The following RPL34 variants were observed in gnomAD, a reference collection of about 807,000 sequenced individuals.
RPL34 encodes large ribosomal subunit protein eL34.
A neutral mutation model predicts 16.3 loss-of-function variants in RPL34; 2 were observed. The ratio of observed to expected loss-of-function variants is 0.12; its 90% CI spans 0.05 to 0.39. The LOEUF (loss-of-function observed/expected upper bound fraction) is 0.39. Among genes scored for constraint, RPL34 ranks in the 10% least tolerant of loss-of-function variants. RPL34 has a pLI of 0.99. For missense variants in RPL34, 82 were observed against 148.8 expected, an observed-to-expected ratio of 0.55 and a Z score of 2.33; for synonymous variants, 47 against 48.5, an observed-to-expected ratio of 0.97 and a Z score of 0.13.
At chr4:108,628,122 A>G (rs1013183860), downstream of RPL34, among the ~76,000 whole-genome samples, 1 of 152,248 alleles carries the variant, frequency 6.6e-6, no homozygotes, top group Non-Finnish European at 1.5e-5. Context: ...CCTGTTGTCA[A>G]CATTCATAGT....
chr4:108,626,368 A>G (rs984265480), downstream of RPL34, among the ~76,000 whole-genome samples: 4 of 151,448 alleles, frequency 2.6e-5, no homozygotes, highest in African/African-American at 4.9e-5. Flanking sequence ...GGGCTCAAGC[A>G]GTCTGCCTGC....
intron 1 of RPL34, 161 bp from the exon 2 acceptor site, chr4:108,621,790 T>G (rs1461107422): frequency 1.7e-6 from 1 of 590,274 alleles, no homozygotes; most frequent in Admixed American, 2.9e-5. Context: ...ATCAGTCACC[T>G]TTAAATACAA....
At chr4:108,624,389 A>G (rs1725909321) in intron 4 of RPL34, among the ~76,000 whole-genome samples, 2 of 152,008 alleles carry the variant, frequency 1.3e-5, no homozygotes, top group South Asian at 4.2e-4. Context: ...GGGGTGGGGG[A>G]AGGTTTAAGT....
rs1324319836 is a variant in RPL34 at position 108,622,573 on chromosome 4, G to A, written c.224G>A (p.Ser75Asn). The change falls in exon 4 of 5, where the codon AGC becomes AAC. Residue 75 changes from serine (S) to asparagine (N), a missense_variant. Ser to Asn is a conservative substitution (Grantham distance 46). Transcript: ENST00000394667. Reference protein sequence around the residue: ...MRLSKTKKHVSRAYGGSMCAK... With the variant: ...MRLSKTKKHVNRAYGGSMCAK... The stretch of plus-strand genomic sequence containing the variant: ...TTGTCCAAAACAAAGAAACATGTCA[G>A]CAGGGCCTATGGTGGTTCCATGTGT... The A allele has an allele frequency of 6.2e-7, 1 of 1,610,260 alleles. No individual in the cohort carries two copies. The highest frequency in any genetic ancestry group is 8.5e-7 in the Non-Finnish European group (1 of 1,178,896).
chr4:108,624,555 A>G (rs1725920275), intron 4 of RPL34, among the ~76,000 whole-genome samples: 1 of 152,190 alleles, frequency 6.6e-6, no homozygotes, highest in Non-Finnish European at 1.5e-5. Context: ...AATCTTTCCA[A>G]ATTTAATCCT....
chr4:108,627,210 G>A (rs139201898), downstream of RPL34, among the ~76,000 whole-genome samples: 53 of 151,996 alleles, frequency 3.5e-4, no homozygotes, highest in East Asian at 1.4e-3. Context: ...CTGTACTCTC[G>A]CCTGTGCGAC....
intron 4 of RPL34, among the ~76,000 whole-genome samples, chr4:108,623,642 A>G (rs11941983): frequency 0.54 from 81,516 of 151,946 alleles, 21,889 homozygotes; most frequent in East Asian, 0.6. Context: ...ATCTGACCTC[A>G]TGATCTGTCA....
chr4:108,622,705 C>A, intron 4 of RPL34, 87 bp downstream of exon 4: 1 of 749,940 alleles, frequency 1.3e-6, no homozygotes, highest in Non-Finnish European at 2.2e-6. Context: ...TGAAGCAACT[C>A]ATTTTAAACC....
At chr4:108,621,682 A>G in intron 1 of RPL34, 1 of 365,370 alleles carries the variant, frequency 2.7e-6, no homozygotes, top group South Asian at 2.8e-5. Flanking sequence ...CACTCCAAAC[A>G]AAATTAGACT....
chr4:108,626,796 C>A (rs1290732423), downstream of RPL34, among the ~76,000 whole-genome samples: 1 of 152,082 alleles, frequency 6.6e-6, no homozygotes, highest in African/African-American at 2.4e-5. Context: ...AGAGCAGAGA[C>A]CTTGAGCCAT....
At chr4:108,627,032 G>A (rs1348699353), downstream of RPL34, among the ~76,000 whole-genome samples, 2 of 152,094 alleles carry the variant, frequency 1.3e-5, no homozygotes, top group African/African-American at 4.8e-5. Flanking sequence ...GAGGTCAGGA[G>A]ATCGAGACCA....
chr4:108,624,001 G>C (rs1422001167), intron 4 of RPL34, among the ~76,000 whole-genome samples: 1 of 152,202 alleles, frequency 6.6e-6, no homozygotes, highest in Non-Finnish European at 1.5e-5. Flanking sequence ...CACATTGTGG[G>C]TGAGAAATGG....
chr4:108,621,002 A>G (rs1338964143), intron 1 of RPL34: 2 of 152,222 alleles, frequency 1.3e-5, no homozygotes, highest in African/African-American at 4.8e-5. Flanking sequence ...TGGTTTCGCT[A>G]TTTGGCTTCT....
chr4:108,625,342 C>A lies in RPL34; in HGVS notation c.*130C>A. 1 of 552,258 alleles carries A rather than the reference C, an allele frequency of 1.8e-6. No homozygotes were observed. Among genetic ancestry groups the A allele is most frequent in the Non-Finnish European group, 3.2e-6 (1 of 308,656 alleles). The allele number at this position is 552,258 out of a possible 1,614,324, so 34.2% of individuals were successfully genotyped here. On this transcript the variant is annotated 3_prime_UTR_variant, in exon 5 of 5. Coordinates refer to ENST00000394667, the MANE Select transcript of RPL34 (RefSeq NM_001319236.2). ...TATTTGGGGACCCTATAGTTTTTAGCAGATTACTTTTTCTTGTTTTGTTTG... is the reference window on the plus strand; with the variant it reads ...TATTTGGGGACCCTATAGTTTTTAGAAGATTACTTTTTCTTGTTTTGTTTG...
chr4:108,629,347 T>G (rs1726109101), downstream of RPL34, among the ~76,000 whole-genome samples: 1 of 152,258 alleles, frequency 6.6e-6, no homozygotes, highest in Non-Finnish European at 1.5e-5. Flanking sequence ...TTTTGAACAT[T>G]TGGGCTATTT....
downstream of RPL34, among the ~76,000 whole-genome samples, chr4:108,629,597 T>C (rs1216510051): frequency 4.6e-5 from 7 of 152,214 alleles, no homozygotes; most frequent in Non-Finnish European, 1.0e-4. Flanking sequence ...TCCAGTTCTA[T>C]GTGTGTGACA....
chr4:108,625,752 C>T (rs1469691069), downstream of RPL34, among the ~76,000 whole-genome samples: 1 of 152,170 alleles, frequency 6.6e-6, no homozygotes, highest in Non-Finnish European at 1.5e-5. Flanking sequence ...GGTGACAGCT[C>T]TACCGCTGCA....
chr4:108,627,464 C>G (rs1314422508), downstream of RPL34, among the ~76,000 whole-genome samples: 2 of 152,202 alleles, frequency 1.3e-5, no homozygotes, highest in Non-Finnish European at 2.9e-5. Context: ...CTGTACCCCA[C>G]TGCCAGTTAA....
chr4:108,628,111 C>G (rs1466806512), downstream of RPL34, among the ~76,000 whole-genome samples: 1 of 152,158 alleles, frequency 6.6e-6, no homozygotes. Context: ...TAGCTGGGAT[C>G]CCTGTTGTCA....
Sources: allele counts gnomAD v4.1 joint callset (sites outside exome capture counted in the v4.1 genomes callset), GRCh38; gene constraint gnomAD v4.1.1; transcripts MANE v1.5; gene names NCBI Gene and HGNC (gene_info 2026-07-23, HGNC 2026-07-21).